The following ELFN2 variants were observed in gnomAD, a reference collection of about 807,000 sequenced individuals.
ELFN2 encodes the protein extracellular leucine rich repeat and fibronectin type III domain containing 2, also known as protein phosphatase 1 regulatory subunit 29.
A neutral mutation model predicts 45.5 loss-of-function variants in ELFN2; 17 were observed. The observed-to-expected ratio is 0.37, with a 90% CI of 0.26 to 0.56. The LOEUF (loss-of-function observed/expected upper bound fraction) is 0.56. Ranked by LOEUF, ELFN2 falls within the 20% of genes least tolerant of loss-of-function variation. The pLI is 0.77. For missense variants in ELFN2, 922 were observed against 1,183.2 expected (o/e 0.78, Z 3.24); for synonymous variants, 550 against 551.5 (o/e 1.00, Z 0.04).
intron 1 of ELFN2, among the ~76,000 whole-genome samples, chr22:37,422,369 G>T (rs1932814865): frequency 6.6e-6 from 1 of 150,896 alleles, no homozygotes; most frequent in South Asian, 2.1e-4. Flanking sequence ...ACCCAGAAGG[G>T]TTAAGAATTC....
chr22:37,364,825 G>C (rs996444017), downstream of ELFN2, among the ~76,000 whole-genome samples: 1 of 152,224 alleles, frequency 6.6e-6, no homozygotes, highest in East Asian at 1.9e-4. Context: ...GGGGCTGGGC[G>C]GTGGGCCCCA....
intron 2 of ELFN2, among the ~76,000 whole-genome samples, chr22:37,387,062 C>T (rs1468051296): frequency 6.6e-6 from 1 of 152,230 alleles, no homozygotes; most frequent in Non-Finnish European, 1.5e-5. Flanking sequence ...GGCACCGTGG[C>T]ACACGCCAGG....
intron 2 of ELFN2, among the ~76,000 whole-genome samples, chr22:37,403,029 C>T (rs1932403911): frequency 6.6e-6 from 1 of 152,166 alleles, no homozygotes; most frequent in Admixed American, 6.5e-5. Flanking sequence ...ACTGCCCCCT[C>T]CTGCTGGCAT....
At chr22:37,385,602 C>T (rs1227359529) in intron 2 of ELFN2, among the ~76,000 whole-genome samples, 3 of 152,226 alleles carry the variant, frequency 2.0e-5, no homozygotes, top group Admixed American at 6.5e-5. Flanking sequence ...GGCCAGCTGA[C>T]CCCTGCACAC....
chr22:37,346,067 G>A (rs1466648022), intron 1 of ELFN2, among the ~76,000 whole-genome samples: 3 of 152,298 alleles, frequency 2.0e-5, no homozygotes, highest in East Asian at 1.9e-4. Context: ...TGGTTTCTTC[G>A]TCATTAGGAC....
chr22:37,360,834 T>TA (rs1249745088), intron 1 of ELFN2, among the ~76,000 whole-genome samples: 3 of 152,160 alleles, frequency 2.0e-5, no homozygotes, highest in African/African-American at 7.2e-5. Flanking sequence ...AAGAGGCTCG[T>TA]ACAAGGCAGA....
In ELFN2 at chr22:37,417,659, A is replaced by AAC. The variant is rs1932776065; in HGVS notation, c.-463+108_-463+109dup. 6.6e-6 allele frequency: 1 copy of AAC among 152,488 alleles called. No individual in the cohort carries two copies. The highest frequency in any genetic ancestry group is 2.4e-5 in the African/African-American group (1 of 41,458). The allele number at this position is 152,488 out of a possible 1,614,324, so 9.4% of individuals were successfully genotyped here. A position where few individuals can be genotyped will look rare whatever the true frequency, so the allele number is the denominator to read the frequency against. On this transcript the variant is annotated intron_variant, in intron 2 of 2. Transcript: ENST00000402918. The surrounding 1 kb of genome is among the most constrained non-coding windows in gnomAD (Gnocchi z 4.5). ...GGCAGGGGCCAGGCCCACAAGAAGG[A>AAC]ACACACAGAAGCCTGAGGCTGGGCC...
At chr22:37,422,944 G>GGC (rs1932820267) in intron 1 of ELFN2, among the ~76,000 whole-genome samples, 1 of 83,140 alleles carries the variant, frequency 1.2e-5, no homozygotes, top group Non-Finnish European at 2.2e-5. Flanking sequence ...ACTGGGCCTC[G>GGC]GGGGGGGGGG....
At chr22:37,407,680 G>T (rs9610742) in intron 2 of ELFN2, among the ~76,000 whole-genome samples, 1 of 151,654 alleles carries the variant, frequency 6.6e-6, no homozygotes, top group Non-Finnish European at 1.5e-5. Context: ...GGCGGATCAC[G>T]AGGTCAGGAG....
At chr22:37,350,110 G>C (rs965644805) in intron 1 of ELFN2, among the ~76,000 whole-genome samples, 1 of 150,876 alleles carries the variant, frequency 6.6e-6, no homozygotes, top group Non-Finnish European at 1.5e-5. Context: ...ACCCAGAGAC[G>C]CCCTTGTCGG....
chr22:37,413,341 G>T (rs1932697827), intron 2 of ELFN2, among the ~76,000 whole-genome samples: 1 of 151,848 alleles, frequency 6.6e-6, no homozygotes, highest in Admixed American at 6.6e-5. Flanking sequence ...CTAAGACTAG[G>T]CTGGTTAAGG....
At chr22:37,342,481 G>A (rs770630773) in intron 2 of ELFN2, 4 of 152,372 alleles carry the variant, frequency 2.6e-5, no homozygotes, top group Middle Eastern at 3.4e-3. Context: ...AATGGGAGGA[G>A]TGGGGTGCAG....
chr22:37,417,972 G>A lies in ELFN2; in HGVS notation c.-613-53C>T, dbSNP rs1476557493. ...GAGGGAGGGAGAGAAGGGGAGGAGA[G>A]GGAGGGGGGACAGCAGGAGGGAGGG... On this transcript the variant is annotated intron_variant, in intron 1 of 2. Transcript: ENST00000402918. The surrounding 1 kb of genome is among the most constrained non-coding windows in gnomAD (Gnocchi z 4.5). 1.3e-5 allele frequency: 2 copies of A among 152,200 alleles called. No homozygotes were observed. Among genetic ancestry groups the A allele is most frequent in the South Asian group, 2.1e-4 (1 of 4,806 alleles). 9.4% of individuals were successfully genotyped at this position (152,200 alleles called of 1,614,324 possible).
intron 1 of ELFN2, among the ~76,000 whole-genome samples, chr22:37,419,787 C>CA (rs1932795070): frequency 6.6e-6 from 1 of 152,202 alleles, no homozygotes; most frequent in Non-Finnish European, 1.5e-5. Flanking sequence ...ACAGCGCTCC[C>CA]AGGGCAGTTC....
At chr22:37,365,994 T>C (rs1931197394), downstream of ELFN2, among the ~76,000 whole-genome samples, 2 of 152,208 alleles carry the variant, frequency 1.3e-5, no homozygotes, top group Non-Finnish European at 2.9e-5. Flanking sequence ...TAATTCAGAA[T>C]TGGGGTTTTC....
intron 1 of ELFN2, among the ~76,000 whole-genome samples, chr22:37,425,278 T>G (rs1021176415): frequency 1.3e-5 from 2 of 151,918 alleles, no homozygotes; most frequent in East Asian, 3.9e-4. Flanking sequence ...GGCAAAGGAG[T>G]TCAGCAGCCA....
At chr22:37,387,683 C>G (rs1931986226) in intron 2 of ELFN2, among the ~76,000 whole-genome samples, 1 of 152,080 alleles carries the variant, frequency 6.6e-6, no homozygotes, top group Admixed American at 6.5e-5. Context: ...TTTCCCGCGA[C>G]CTCCCAGGCC....
intron 2 of ELFN2, among the ~76,000 whole-genome samples, chr22:37,398,889 CA>C (rs1247969018): frequency 1.3e-5 from 2 of 152,072 alleles, no homozygotes; most frequent in East Asian, 3.9e-4. Context: ...ACCTCCAGCC[CA>C]ACCCCAGAAC....
Position 37,368,064 on chromosome 22 carries a change from G to A in ELFN2, c.*5008C>T, listed in dbSNP as rs964277776. 6.6e-6 allele frequency: 1 copy of A among 152,496 alleles called. No individual in the cohort carries two copies. Among genetic ancestry groups the A allele is most frequent in the African/African-American group, 2.4e-5 (1 of 41,450 alleles). The allele number at this position is 152,496 out of a possible 1,614,324, so 9.4% of individuals were successfully genotyped here. ...TTCGTGCCATTCAGTTTTAAAACAG[G>A]AAATTGAGGGAAGGGAGAGGCAGAT... On this transcript the variant is annotated 3_prime_UTR_variant, in exon 3 of 3. Transcript: ENST00000402918.
Sources: allele counts gnomAD v4.1 joint callset (sites outside exome capture counted in the v4.1 genomes callset), GRCh38; gene constraint gnomAD v4.1.1; non-coding constraint Gnocchi (gnomAD v3.1); transcripts MANE v1.5; gene names NCBI Gene and HGNC (gene_info 2026-07-23, HGNC 2026-07-21).